PRSS35: variants seen among roughly 807,000 people sequenced by gnomAD.
PRSS35 encodes the protein inactive serine protease 35.
Under a neutral mutation model 8.1 loss-of-function variants are expected in PRSS35, and 7 were observed. The ratio of observed to expected loss-of-function variants is 0.86; its 90% CI spans 0.49 to 1.62. The LOEUF is 1.62. Ranked by LOEUF, PRSS35 falls within the 40% of genes most tolerant of loss-of-function variation. The pLI is 0.00. For missense variants in PRSS35, 566 were observed against 518.0 expected (o/e 1.09, Z -0.90); for synonymous variants, 199 against 188.7 (o/e 1.05, Z -0.45).
At chr6:83,516,167 C>T (rs539093830) in intron 1 of PRSS35, among the ~76,000 whole-genome samples, 3 of 152,280 alleles carry the variant, frequency 2.0e-5, no homozygotes, top group African/African-American at 7.2e-5. Context: ...TGTAAAAACT[C>T]GATTCTCACC....
chr6:83,515,334 TA>T (rs1334635544), intron 1 of PRSS35, among the ~76,000 whole-genome samples: 8 of 152,240 alleles, frequency 5.3e-5, no homozygotes, highest in Non-Finnish European at 1.2e-4. Flanking sequence ...TATCCTGTTC[TA>T]ATTCTTGTTT....
chr6:83,520,319 T>C (rs1164623360), intron 1 of PRSS35, among the ~76,000 whole-genome samples: 2 of 152,212 alleles, frequency 1.3e-5, no homozygotes, highest in Admixed American at 6.5e-5. Flanking sequence ...TTAACCTTTA[T>C]TGAGTGTCAA....
chr6:83,516,575 C>CA (rs70987760), intron 1 of PRSS35, among the ~76,000 whole-genome samples: 4,730 of 101,690 alleles, frequency 0.047, 356 homozygotes, highest in African/African-American at 0.16. Flanking sequence ...GACTGCGTCT[C>CA]AAAAAAAAAA....
Position 83,524,341 on chromosome 6 carries a change from G to C in PRSS35, c.900G>C (p.Lys300Asn), listed in dbSNP as rs759409246. Residue 300 changes from lysine to asparagine, a missense_variant, in exon 2 of 2, where the codon AAG (lysine) becomes AAC (asparagine). Physicochemically the swap from Lys to Asn is moderately conservative, Grantham distance 94. Transcript: ENST00000369700. ...YMELGISPTI[K>N]KMPGGMIHFS... ...AACTTGGAATCAGCCCAACGATCAA[G>C]AAAATGCCTGGTGGAATGATCCACT... The C allele has an allele frequency of 2.5e-6, 4 of 1,614,160 alleles. No individual in the cohort carries two copies. The highest frequency in any genetic ancestry group is 3.4e-6 in the Non-Finnish European group (4 of 1,180,044).
At chr6:83,517,734 G>A (rs1343887675) in intron 1 of PRSS35, among the ~76,000 whole-genome samples, 1 of 152,232 alleles carries the variant, frequency 6.6e-6, no homozygotes, top group Non-Finnish European at 1.5e-5. Context: ...AACAGAGCCA[G>A]TGGTGTTAGG....
intron 1 of PRSS35, among the ~76,000 whole-genome samples, chr6:83,522,746 T>G (rs769425314): frequency 1.4e-4 from 22 of 152,252 alleles, no homozygotes; most frequent in Non-Finnish European, 2.5e-4. Flanking sequence ...ATTTTCTTTT[T>G]ATGACCAGGC....
rs376178642 is a variant in PRSS35 at position 83,523,618 on chromosome 6, T to C, written c.177T>C (p.Asn59=). The change falls in exon 2 of 2, where the codon AAT becomes AAC. Residue 59 remains asparagine, a synonymous_variant. Transcript: ENST00000369700. ...AGGCAGATGCTAAGATGATGGTAAA[T>C]ACAGTGTGTGGCATCGAATGCCAGA... is the stretch of plus-strand genomic sequence containing the variant. ...AFEADAKMMV[N]TVCGIECQKE... 6.2e-7 allele frequency: 1 copy of C among 1,614,182 alleles called. No homozygotes were observed. Among genetic ancestry groups the C allele is most frequent in the African/African-American group, 1.3e-5 (1 of 75,042 alleles).
rs1771905610 is a variant in PRSS35 at position 83,524,707 on chromosome 6, T to G, written c.*24T>G. 6.4e-7 allele frequency: 1 copy of G among 1,573,036 alleles called. No individual in the cohort carries two copies. The highest frequency in any genetic ancestry group is 1.8e-5 in the Admixed American group (1 of 55,270). ...AACAGAGACCTGAAACAGGGCGGTG[T>G]ATCATCTAAATCACAGAGAAAACCA... On this transcript the variant is annotated 3_prime_UTR_variant, in exon 2 of 2. Coordinates refer to ENST00000369700, the MANE Select transcript of PRSS35 (RefSeq NM_153362.3).
intron 1 of PRSS35, among the ~76,000 whole-genome samples, chr6:83,517,475 G>A (rs1343490222): frequency 1.3e-5 from 2 of 152,172 alleles, no homozygotes; most frequent in African/African-American, 4.8e-5. Context: ...AACTGACTAT[G>A]AAAGTTTTTA....
chr6:83,525,569 C>T lies in PRSS35; in HGVS notation c.*886C>T, dbSNP rs1196621859. 1 of 167,028 alleles carries T rather than the reference C, an allele frequency of 6.0e-6. No homozygotes were observed. The highest frequency in any genetic ancestry group is 1.9e-4 in the East Asian group (1 of 5,202). The allele number at this position is 167,028 out of a possible 1,614,324, so 10.3% of individuals were successfully genotyped here. A position where few individuals can be genotyped will look rare whatever the true frequency, so the allele number is the denominator to read the frequency against. ...TTTTTAGGACAAAGAATTCTGTAAT[C>T]TTTTTCAAGAAAGAGTCTTTTTCTC... On this transcript the variant is annotated 3_prime_UTR_variant, in exon 2 of 2. Coordinates refer to ENST00000369700, the MANE Select transcript of PRSS35 (RefSeq NM_153362.3).
intron 1 of PRSS35, among the ~76,000 whole-genome samples, chr6:83,517,862 C>G (rs1015838133): frequency 6.6e-6 from 1 of 152,084 alleles, no homozygotes; most frequent in Non-Finnish European, 1.5e-5. Context: ...TGGTGTTGGC[C>G]CTATGGGGTC....
chr6:83,521,162 T>C (rs1771814016), intron 1 of PRSS35, among the ~76,000 whole-genome samples: 1 of 152,176 alleles, frequency 6.6e-6, no homozygotes, highest in Admixed American at 6.5e-5. Context: ...TATATATCAT[T>C]TTTATCTATT....
Position 83,514,085 on chromosome 6 carries a change from G to A in PRSS35, c.-21+1391G>A, listed in dbSNP as rs147916979. On this transcript the variant is annotated intron_variant, in intron 1 of 1. Coordinates refer to ENST00000369700, the MANE Select transcript of PRSS35 (RefSeq NM_153362.3). ...AGCTATTATTTTATAACTAAAAAAC[G>A]TTAAGCTTCGTATAGGTAAAACTGA... is the stretch of plus-strand genomic sequence containing the variant. Among the ~76,000 whole-genome samples the A allele has an allele frequency of 7.5e-4, 114 of 152,254 alleles. No homozygotes were observed. The East Asian group carries it at 0.019, about 25-fold the overall frequency.
At position 83,525,591 on chromosome 6, in the gene PRSS35, T is replaced by C. The variant is rs931455283; in HGVS notation, c.*908T>C. 2.4e-5 allele frequency: 4 copies of C among 167,112 alleles called. No individual in the cohort carries two copies. The highest frequency in any genetic ancestry group is 5.9e-5 in the Non-Finnish European group (4 of 68,128). 10.4% of individuals were successfully genotyped at this position (167,112 alleles called of 1,614,324 possible). A position where few individuals can be genotyped will look rare whatever the true frequency, so the allele number is the denominator to read the frequency against. On this transcript the variant is annotated 3_prime_UTR_variant, in exon 2 of 2. Transcript: ENST00000369700. The stretch of plus-strand genomic sequence containing the variant: ...AATCTTTTTCAAGAAAGAGTCTTTT[T>C]CTCCTTGACAAAATCCAGCTTTTGT...
intron 1 of PRSS35, among the ~76,000 whole-genome samples, chr6:83,522,605 A>G (rs1309263099): frequency 2.0e-5 from 3 of 152,198 alleles, no homozygotes; most frequent in Non-Finnish European, 2.9e-5. Flanking sequence ...TAATTTTAAT[A>G]TGCAGTAAAG....
chr6:83,521,514 C>A (rs946571112), intron 1 of PRSS35, among the ~76,000 whole-genome samples: 2 of 149,356 alleles, frequency 1.3e-5, no homozygotes, highest in African/African-American at 5.0e-5. Flanking sequence ...TCACCTCCCC[C>A]CCTCCTCTCC....
In PRSS35 at chr6:83,523,945, C is replaced by T; in HGVS notation, c.504C>T (p.Ala168=). ...LISPQHVLTA[A]HCVHDGKDYV... is the part of the protein sequence containing the mutation. Reference sequence around the variant, plus strand: ...CCCCTCAGCATGTTCTAACTGCTGCCCACTGTGTTCATGATGGAAAGGACT... The same window carrying T: ...CCCCTCAGCATGTTCTAACTGCTGCTCACTGTGTTCATGATGGAAAGGACT... The change falls in exon 2 of 2, where the codon GCC becomes GCT. Residue 168 remains alanine (A), a synonymous_variant. Transcript: ENST00000369700. 3.7e-6 allele frequency: 6 copies of T among 1,614,104 alleles called. No homozygotes were observed. The highest frequency in any genetic ancestry group is 5.1e-6 in the Non-Finnish European group (6 of 1,180,018).
At chr6:83,515,834 T>TC (rs1771702228) in intron 1 of PRSS35, among the ~76,000 whole-genome samples, 1 of 151,268 alleles carries the variant, frequency 6.6e-6, no homozygotes, top group South Asian at 2.1e-4. Flanking sequence ...TTTCTTTTTT[T>TC]TGACGGAGTC....
chr6:83,520,100 G>T (rs1771794291), intron 1 of PRSS35, among the ~76,000 whole-genome samples: 1 of 152,146 alleles, frequency 6.6e-6, no homozygotes, highest in East Asian at 1.9e-4. Flanking sequence ...ATAAAAGTTA[G>T]TTATGTTTGT....
Sources: allele counts gnomAD v4.1 joint callset (sites outside exome capture counted in the v4.1 genomes callset), GRCh38; gene constraint gnomAD v4.1.1; transcripts MANE v1.5; gene names NCBI Gene and HGNC (gene_info 2026-07-23, HGNC 2026-07-21).